The following SMPX variants were observed in gnomAD, a reference collection of about 807,000 sequenced individuals.
SMPX encodes small muscular protein.
In SMPX, 2 loss-of-function variants were observed where a neutral mutation model predicts 6.3. That is an observed-to-expected ratio of 0.32 (90% CI 0.13 to 0.99). The LOEUF (loss-of-function observed/expected upper bound fraction) is 0.99. SMPX is among the 50% of genes least tolerant of loss of function. The probability of loss-of-function intolerance (pLI) is 0.49; values close to 1 mark genes in which losing one functional copy is unlikely to be tolerated. For missense variants in SMPX, 60 were observed against 66.8 expected, an observed-to-expected ratio of 0.90 and a Z score of 0.36; for synonymous variants, 32 against 24.7, an observed-to-expected ratio of 1.30 and a Z score of -0.88.
chrX:21,733,069 G>C (rs2092806637), intron 4 of SMPX, among the ~76,000 whole-genome samples: 1 of 111,644 alleles, frequency 9.0e-6, no homozygotes, highest in East Asian at 2.8e-4. Context: ...TTTTGTTATA[G>C]CGGACCGAGC....
chrX:21,719,912 A>T (rs762307663), intron 4 of SMPX, among the ~76,000 whole-genome samples: 6 of 112,230 alleles, frequency 5.3e-5, no homozygotes, highest in African/African-American at 1.9e-4. Flanking sequence ...AAATGTAAGA[A>T]ATCCTGGGTG....
At chrX:21,743,431 G>GTATA (rs1335671920) in intron 3 of SMPX, among the ~76,000 whole-genome samples, 14 of 58,407 alleles carry the variant, frequency 2.4e-4, no homozygotes, top group Non-Finnish European at 3.9e-4. Context: ...ACACACACAC[G>GTATA]CATACACACA....
At chrX:21,748,831 G>T (rs1476659822) in intron 2 of SMPX, among the ~76,000 whole-genome samples, 1 of 112,561 alleles carries the variant, frequency 8.9e-6, no homozygotes, top group Non-Finnish European at 1.9e-5. Context: ...AGGCATGTGT[G>T]ATCATTATGA....
At chrX:21,744,766 G>A (rs965562411) in intron 2 of SMPX, among the ~76,000 whole-genome samples, 5 of 112,180 alleles carry the variant, frequency 4.5e-5, no homozygotes, top group African/African-American at 1.6e-4. Context: ...TGGATATGTG[G>A]GCTTGAAAAG....
At chrX:21,707,093 C>T (rs961560187) in intron 4 of SMPX, among the ~76,000 whole-genome samples, 8 of 108,257 alleles carry the variant, frequency 7.4e-5, no homozygotes, top group Non-Finnish European at 1.1e-4. Flanking sequence ...ATCGCCCCAT[C>T]CACATCACCC....
At chrX:21,731,653 A>AAT (rs1373329439) in intron 4 of SMPX, among the ~76,000 whole-genome samples, 1 of 93,487 alleles carries the variant, frequency 1.1e-5, no homozygotes, top group Admixed American at 1.1e-4. Context: ...TGTACACATA[A>AAT]GTGTGTATGT....
chrX:21,707,097 A>C (rs1336156864), intron 4 of SMPX, among the ~76,000 whole-genome samples: 1 of 107,033 alleles, frequency 9.3e-6, no homozygotes, highest in African/African-American at 3.4e-5. Flanking sequence ...CCCCATCCAC[A>C]TCACCCCCCA....
intron 4 of SMPX, among the ~76,000 whole-genome samples, chrX:21,723,150 C>A (rs2092793562): frequency 1.8e-5 from 2 of 111,255 alleles, no homozygotes; most frequent in African/African-American, 6.5e-5. Flanking sequence ...CAAACTACCA[C>A]CAGCAGCAGC....
chrX:21,753,295 T>C lies in SMPX; in HGVS notation c.45+951A>G, dbSNP rs938657862. Among the ~76,000 whole-genome samples, 22 of 111,807 alleles carry C rather than the reference T, an allele frequency of 2.0e-4. 1 individual carries two copies. The highest frequency in any genetic ancestry group is 8.5e-4 in the East Asian group (3 of 3,550). ...GTCGTGACAGGTAAAGATCTGTCCCTCCACCTACCTCCACCAGCGGTGTGT... is the reference window on the plus strand; with the variant it reads ...GTCGTGACAGGTAAAGATCTGTCCCCCCACCTACCTCCACCAGCGGTGTGT... On this transcript the variant is annotated intron_variant, in intron 2 of 4. Coordinates refer to ENST00000379494, the MANE Select transcript of SMPX (RefSeq NM_014332.3).
intron 4 of SMPX, among the ~76,000 whole-genome samples, chrX:21,729,043 T>C (rs1439264051): frequency 3.6e-5 from 4 of 112,119 alleles, no homozygotes; most frequent in Admixed American, 9.4e-5. Context: ...TTCTGATACA[T>C]TTGAGATGAA....
chrX:21,711,434 T>C (rs1044122802), intron 4 of SMPX, among the ~76,000 whole-genome samples: 4 of 111,847 alleles, frequency 3.6e-5, no homozygotes, highest in East Asian at 2.8e-4. Context: ...GGGGAAGGTA[T>C]GGCAACCAGC....
chrX:21,731,455 A>ATATGTGTGTATGTGTACACATACACATT (rs749971805), intron 4 of SMPX, among the ~76,000 whole-genome samples: 3 of 79,635 alleles, frequency 3.8e-5, no homozygotes, highest in African/African-American at 1.0e-4. Flanking sequence ...ACATACACAT[A>ATATGTGTGTATGTGTACACATACACATT]ATGTGTGTAT....
intron 3 of SMPX, among the ~76,000 whole-genome samples, chrX:21,737,928 A>G (rs891920696): frequency 1.8e-5 from 2 of 112,663 alleles, no homozygotes; most frequent in African/African-American, 3.2e-5. Flanking sequence ...TAATTTCCAC[A>G]TAACTTAGAA....
chrX:21,746,192 C>T (rs903343038), intron 2 of SMPX, among the ~76,000 whole-genome samples: 1 of 111,889 alleles, frequency 8.9e-6, no homozygotes, highest in African/African-American at 3.2e-5. Context: ...AGAATATCTA[C>T]AATGCAAAGC....
chrX:21,741,992 C>T (rs879161760), intron 3 of SMPX, among the ~76,000 whole-genome samples: 2 of 112,165 alleles, frequency 1.8e-5, no homozygotes, highest in Admixed American at 9.4e-5. Context: ...GAGCAAAGTG[C>T]TTCCCCAGTC....
In SMPX at chrX:21,711,966, G is replaced by C. The variant is rs754449909; in HGVS notation, c.*15-5572C>G. On this transcript the variant is annotated intron_variant, in intron 4 of 4. Transcript: ENST00000379494. ...TTTGTAAAGTCTTCTAGAGTTTACAGAGCACATTCACACATATTGTCCCTT... is the reference window on the plus strand; with the variant it reads ...TTTGTAAAGTCTTCTAGAGTTTACACAGCACATTCACACATATTGTCCCTT... Among the ~76,000 whole-genome samples, 16 of 111,773 alleles carry C rather than the reference G, an allele frequency of 1.4e-4. No individual in the cohort carries two copies. In the South Asian group the frequency reaches 5.3e-3, roughly 37 times the overall value.
intron 3 of SMPX, among the ~76,000 whole-genome samples, chrX:21,742,000 G>A: frequency 8.9e-6 from 1 of 112,009 alleles, no homozygotes; most frequent in Non-Finnish European, 1.9e-5. Flanking sequence ...TGCTTCCCCA[G>A]TCCCCTGAGA....
At chrX:21,729,039 T>C (rs180981061) in intron 4 of SMPX, among the ~76,000 whole-genome samples, 2 of 112,374 alleles carry the variant, frequency 1.8e-5, no homozygotes, top group Non-Finnish European at 3.7e-5. Context: ...TGCTTTCTGA[T>C]ACATTTGAGA....
At chrX:21,727,104 ACAGT>A (rs1353357367) in intron 4 of SMPX, among the ~76,000 whole-genome samples, 2 of 112,753 alleles carry the variant, frequency 1.8e-5, no homozygotes, top group Non-Finnish European at 3.7e-5. Context: ...AGTGCCTGAA[ACAGT>A]CAGTGAATAG....
Sources: allele counts gnomAD v4.1 joint callset (sites outside exome capture counted in the v4.1 genomes callset), GRCh38; gene constraint gnomAD v4.1.1; transcripts MANE v1.5; gene names NCBI Gene and HGNC (gene_info 2026-07-23, HGNC 2026-07-21).